LARP1: variants seen among roughly 807,000 people sequenced by gnomAD.
LARP1 encodes la-related protein 1.
Under a neutral mutation model 122.7 loss-of-function variants are expected in LARP1, and 36 were observed. That is an observed-to-expected ratio of 0.29 (90% CI 0.22 to 0.39). The LOEUF (loss-of-function observed/expected upper bound fraction) is 0.39, where lower values mean the gene tolerates loss of function less well. Among genes scored for constraint, LARP1 ranks in the 10% least tolerant of loss-of-function variants. LARP1 has a pLI of 1.00. For missense variants in LARP1, 1,040 were observed against 1,403.6 expected (o/e 0.74, Z 4.14); for synonymous variants, 539 against 528.7 (o/e 1.02, Z -0.27).
chr5:154,745,801 T>G (rs1028040908), intron 1 of LARP1, among the ~76,000 whole-genome samples: 6 of 151,970 alleles, frequency 3.9e-5, no homozygotes, highest in African/African-American at 1.4e-4. Context: ...ACTGTTTTTT[T>G]TTTTTTTTTT....
Position 154,815,558 on chromosome 5 carries a change from C to CT in LARP1, c.*1463dup, listed in dbSNP as rs1759611608. 6.6e-6 allele frequency: 1 copy of CT among 152,132 alleles called. No homozygotes were observed. The highest frequency in any genetic ancestry group is 1.5e-5 in the Non-Finnish European group (1 of 68,050). The allele number at this position is 152,132 out of a possible 1,614,324, so 9.4% of individuals were successfully genotyped here. ...AAAAGGTGGAGAAAGATGCCATTCT[C>CT]TCCCTAAGGTCTGGTGGAGTCTCCC... On this transcript the variant is annotated 3_prime_UTR_variant, in exon 19 of 19. Coordinates refer to ENST00000518297, the MANE Select transcript of LARP1 (RefSeq NM_033551.3).
chr5:154,756,617 A>C (rs1009112371), intron 1 of LARP1: 2 of 524,918 alleles, frequency 3.8e-6, no homozygotes, highest in East Asian at 1.5e-4. Flanking sequence ...GAGCGTCCCC[A>C]TGTTGTAAAT....
chr5:154,785,026 C>G (rs190392373), intron 1 of LARP1, among the ~76,000 whole-genome samples: 11 of 152,338 alleles, frequency 7.2e-5, no homozygotes, highest in Admixed American at 6.5e-5. Flanking sequence ...TGTCAGCCTT[C>G]GCCATGTTCT....
chr5:154,736,517 C>T (rs1009876946), intron 1 of LARP1, among the ~76,000 whole-genome samples: 3 of 151,066 alleles, frequency 2.0e-5, no homozygotes, highest in African/African-American at 7.3e-5. Flanking sequence ...AAGCTTGAGC[C>T]ACACCCTGCC....
chr5:154,774,431 A>C (rs1009253727), intron 1 of LARP1, among the ~76,000 whole-genome samples: 2 of 152,052 alleles, frequency 1.3e-5, no homozygotes, highest in Non-Finnish European at 2.9e-5. Flanking sequence ...CTTGGTTTGC[A>C]CTCTGGGAGC....
intron 1 of LARP1, among the ~76,000 whole-genome samples, chr5:154,758,075 G>A (rs1278109256): frequency 6.6e-6 from 1 of 151,820 alleles, no homozygotes; most frequent in African/African-American, 2.4e-5. Context: ...TCATCCCCGG[G>A]AGAGAGCACT....
At chr5:154,732,189 C>CAAA (rs767228522) in intron 1 of LARP1, among the ~76,000 whole-genome samples, 75 of 39,166 alleles carry the variant, frequency 1.9e-3, no homozygotes, top group South Asian at 5.4e-3. Flanking sequence ...CAAAACAAAA[C>CAAA]AAAAAAAAAA....
At position 154,808,734 on chromosome 5, in the gene LARP1, T is replaced by C. The variant is rs1759001605; in HGVS notation, c.2843+131T>C. 4 of 971,804 alleles carry C rather than the reference T, an allele frequency of 4.1e-6. No homozygotes were observed. In the Admixed American group the frequency reaches 1.3e-4, roughly 31 times the overall value. The allele number at this position is 971,804 out of a possible 1,614,324, so 60.2% of individuals were successfully genotyped here. On this transcript the variant is annotated intron_variant, in intron 16 of 18. Transcript: ENST00000518297. The stretch of plus-strand genomic sequence containing the variant: ...GTTCATTCATATACTTGATGAAAAA[T>C]TTGTTTTTAAATGAGCAGTATATTC...
intron 1 of LARP1, among the ~76,000 whole-genome samples, chr5:154,694,851 T>A (rs1754392877): frequency 6.6e-6 from 1 of 152,128 alleles, no homozygotes; most frequent in African/African-American, 2.4e-5. Context: ...TGTTTTTTTT[T>A]ATTTTTCTGA....
At chr5:154,759,110 C>T (rs1378021784) in intron 1 of LARP1, among the ~76,000 whole-genome samples, 1 of 152,206 alleles carries the variant, frequency 6.6e-6, no homozygotes, top group Non-Finnish European at 1.5e-5. Flanking sequence ...AGCTGTGCTT[C>T]CTTGGGCAAG....
chr5:154,723,740 A>C (rs1756025918), intron 1 of LARP1, among the ~76,000 whole-genome samples: 1 of 152,246 alleles, frequency 6.6e-6, no homozygotes, highest in Admixed American at 6.5e-5. Flanking sequence ...CCAAGAGCCC[A>C]CAACCAGGAA....
chr5:154,736,536 T>TTTTTTTTATTTATTTA (rs552562542), intron 1 of LARP1, among the ~76,000 whole-genome samples: 91 of 133,202 alleles, frequency 6.8e-4, no homozygotes, highest in African/African-American at 2.4e-3. Flanking sequence ...CCTGGCCTAT[T>TTTTTTTTATTTATTTA]TTTATTTATT....
chr5:154,809,842 A>C (rs761605007), intron 16 of LARP1, among the ~76,000 whole-genome samples: 1 of 151,498 alleles, frequency 6.6e-6, no homozygotes, highest in Non-Finnish European at 1.5e-5. Flanking sequence ...AGTAGCTGGG[A>C]CCACAGGCGC....
At chr5:154,723,999 C>T (rs1303374052) in intron 1 of LARP1, among the ~76,000 whole-genome samples, 1 of 152,216 alleles carries the variant, frequency 6.6e-6, no homozygotes, top group Non-Finnish European at 1.5e-5. Flanking sequence ...ACCCTGCCTT[C>T]ATGGGTATAA....
At chr5:154,689,952 G>A (rs1211016500) in intron 1 of LARP1, among the ~76,000 whole-genome samples, 4 of 152,120 alleles carry the variant, frequency 2.6e-5, no homozygotes, top group East Asian at 3.9e-4. Flanking sequence ...GGTGGCACGC[G>A]CCTGCTTGAA....
chr5:154,724,060 TG>T (rs1483444309), intron 1 of LARP1, among the ~76,000 whole-genome samples: 4 of 152,226 alleles, frequency 2.6e-5, no homozygotes, highest in African/African-American at 9.6e-5. Context: ...GAGGCAACCA[TG>T]ATCTTCCAGG....
At chr5:154,762,966 G>C (rs1754584268) in intron 1 of LARP1, among the ~76,000 whole-genome samples, 1 of 151,380 alleles carries the variant, frequency 6.6e-6, no homozygotes, top group South Asian at 2.1e-4. Context: ...ATAATTCAGA[G>C]ATAAGTAATA....
upstream of LARP1, among the ~76,000 whole-genome samples, chr5:154,708,800 G>A (rs1382527000): frequency 1.3e-5 from 2 of 152,024 alleles, no homozygotes; most frequent in South Asian, 2.1e-4. Context: ...TAATAGAGAC[G>A]GGGCTTCCCC....
intron 1 of LARP1, among the ~76,000 whole-genome samples, chr5:154,720,364 A>G (rs998404678): frequency 2.0e-5 from 3 of 152,126 alleles, no homozygotes; most frequent in Non-Finnish European, 2.9e-5. Context: ...TAACTAAACA[A>G]AATGCTGACT....
Sources: allele counts gnomAD v4.1 joint callset (sites outside exome capture counted in the v4.1 genomes callset), GRCh38; gene constraint gnomAD v4.1.1; transcripts MANE v1.5; gene names NCBI Gene and HGNC (gene_info 2026-07-23, HGNC 2026-07-21).